Variants in ERI1 observed in about 807,000 individuals in gnomAD.
ERI1 encodes the protein 3'-5' exoribonuclease 1.
In ERI1, 39 loss-of-function variants were observed where a neutral mutation model predicts 39.7. The ratio of observed to expected loss-of-function variants is 0.98; its 90% CI spans 0.76 to 1.28. ERI1 has a LOEUF of 1.28. ERI1 is among the 50% of genes most tolerant of loss of function. The pLI is 0.00. For missense variants in ERI1, 581 were observed against 416.9 expected, an observed-to-expected ratio of 1.39 and a Z score of -3.43; for synonymous variants, 204 against 149.6, an observed-to-expected ratio of 1.36 and a Z score of -2.65.
intron 5 of ERI1, among the ~76,000 whole-genome samples, chr8:9,019,673 A>G (rs1034196533): frequency 6.6e-6 from 1 of 152,220 alleles, no homozygotes; most frequent in Non-Finnish European, 1.5e-5. Context: ...TGTCCTGGGG[A>G]CATACACTTA....
intron 3 of ERI1, among the ~76,000 whole-genome samples, chr8:9,067,895 A>G (rs1204371921): frequency 3.3e-5 from 5 of 151,824 alleles, no homozygotes; most frequent in African/African-American, 7.3e-5. Flanking sequence ...TTTGCCATAC[A>G]TATGAGCACA....
chr8:9,054,689 C>T (rs1318404562), intron 3 of ERI1, among the ~76,000 whole-genome samples: 1 of 152,222 alleles, frequency 6.6e-6, no homozygotes, highest in Admixed American at 6.5e-5. Context: ...CTTTGGGAGG[C>T]CAAGGGGGGC....
chr8:9,068,608 C>T (rs752279901), intron 3 of ERI1, among the ~76,000 whole-genome samples: 1 of 152,088 alleles, frequency 6.6e-6, no homozygotes, highest in Non-Finnish European at 1.5e-5. Flanking sequence ...CCTCCCTCGC[C>T]TTTAGGGTCC....
downstream of ERI1, among the ~76,000 whole-genome samples, chr8:9,037,095 T>TA (rs910890107): frequency 6.6e-6 from 1 of 152,202 alleles, no homozygotes; most frequent in South Asian, 2.1e-4. Flanking sequence ...ACCACTGTCA[T>TA]AAAAAACCTT....
chr8:9,057,864 C>CAG (rs1254306555), intron 3 of ERI1, among the ~76,000 whole-genome samples: 3 of 152,040 alleles, frequency 2.0e-5, no homozygotes, highest in Non-Finnish European at 4.4e-5. Flanking sequence ...CTGCGTCTGG[C>CAG]AGAGGCACCA....
chr8:9,035,157 A>G (rs905545309), downstream of ERI1, among the ~76,000 whole-genome samples: 3 of 152,088 alleles, frequency 2.0e-5, no homozygotes, highest in Admixed American at 1.3e-4. Flanking sequence ...GCAAGTGCTG[A>G]TGTAGAAATT....
At chr8:9,018,744 G>T (rs939563235) in intron 5 of ERI1, among the ~76,000 whole-genome samples, 1 of 151,708 alleles carries the variant, frequency 6.6e-6, no homozygotes. Context: ...CACGCTACCT[G>T]TTTAATCTAA....
At chr8:9,050,720 A>G (rs1798330486) in intron 3 of ERI1, among the ~76,000 whole-genome samples, 2 of 152,156 alleles carry the variant, frequency 1.3e-5, no homozygotes, top group East Asian at 1.9e-4. Flanking sequence ...GAAGGAATGG[A>G]GAAGCCTGGA....
chr8:9,059,062 A>G (rs573064759), intron 3 of ERI1, among the ~76,000 whole-genome samples: 68 of 152,130 alleles, frequency 4.5e-4, no homozygotes, highest in African/African-American at 1.4e-3. Context: ...TGGGTAGGTA[A>G]AGGAAAAAGC....
At chr8:9,052,599 C>T (rs556384936) in intron 3 of ERI1, among the ~76,000 whole-genome samples, 6 of 152,174 alleles carry the variant, frequency 3.9e-5, no homozygotes, top group Non-Finnish European at 5.9e-5. Flanking sequence ...GCACACAGAA[C>T]TGGGGCACAG....
chr8:9,016,782 C>T (rs1324014638), intron 4 of ERI1, among the ~76,000 whole-genome samples: 4 of 151,972 alleles, frequency 2.6e-5, no homozygotes, highest in Non-Finnish European at 5.9e-5. Context: ...GCCTCCTGGG[C>T]TCAAGCGATT....
chr8:9,073,228 A>G (rs1447716024), intron 3 of ERI1, among the ~76,000 whole-genome samples: 2 of 152,238 alleles, frequency 1.3e-5, no homozygotes, highest in African/African-American at 4.8e-5. Context: ...TTATCTTTGC[A>G]GAAGGCAGTA....
intron 3 of ERI1, among the ~76,000 whole-genome samples, chr8:9,059,575 G>A (rs1798623933): frequency 6.6e-6 from 1 of 152,096 alleles, no homozygotes; most frequent in Non-Finnish European, 1.5e-5. Context: ...ATACAATTTT[G>A]TATGAAGTGA....
chr8:9,047,523 T>C (rs1417230551), intron 3 of ERI1, among the ~76,000 whole-genome samples: 1 of 149,746 alleles, frequency 6.7e-6, no homozygotes, highest in Non-Finnish European at 1.5e-5. Flanking sequence ...AAAAAAAAAG[T>C]TTTTAAAATT....
At chr8:9,043,759 C>T (rs533637597) in intron 3 of ERI1, among the ~76,000 whole-genome samples, 22 of 152,288 alleles carry the variant, frequency 1.4e-4, no homozygotes, top group Admixed American at 5.2e-4. Context: ...CACTATCTTG[C>T]TCAGGCAGAA....
chr8:9,040,451 A>G lies in ERI1; in HGVS notation n.299+19987A>G, dbSNP rs541987113. ...GGGCAGCAGTGCCAAGTGAGCTGGG[A>G]AGGTGAGTGGTGTCTTTGTTTTGTA... On this transcript the variant is annotated intron_variant and non_coding_transcript_variant, in intron 3 of 3. Transcript: ENST00000518663. Among the ~76,000 whole-genome samples, 313 of 152,246 alleles carry G rather than the reference A, an allele frequency of 2.1e-3. 4 individuals carry two copies. The highest frequency in any genetic ancestry group is 6.8e-3 in the Middle Eastern group (2 of 294).
chr8:9,077,258 A>G (rs1454199218), intron 3 of ERI1, among the ~76,000 whole-genome samples: 1 of 152,198 alleles, frequency 6.6e-6, no homozygotes, highest in Non-Finnish European at 1.5e-5. Flanking sequence ...TCCCTGCTTA[A>G]TTCCCTGCCT....
At chr8:9,038,232 C>G (rs548389272), downstream of ERI1, among the ~76,000 whole-genome samples, 67 of 152,158 alleles carry the variant, frequency 4.4e-4, no homozygotes, top group Non-Finnish European at 8.8e-4. Flanking sequence ...TGGTGCAGTT[C>G]TCCCACAAGG....
intron 3 of ERI1, among the ~76,000 whole-genome samples, chr8:9,097,666 C>CAAAAAAAAA (rs11380594): frequency 1.0e-5 from 1 of 96,746 alleles, no homozygotes; most frequent in Non-Finnish European, 2.1e-5. Context: ...GACACTCTGT[C>CAAAAAAAAA]AAAAAAAAAA....
Sources: allele counts gnomAD v4.1 joint callset (sites outside exome capture counted in the v4.1 genomes callset), GRCh38; gene constraint gnomAD v4.1.1; transcripts MANE v1.5; gene names NCBI Gene and HGNC (gene_info 2026-07-23, HGNC 2026-07-21).